Variants in ADGRA1 observed in about 807,000 individuals in gnomAD.
ADGRA1 encodes adhesion G protein-coupled receptor A1.
ADGRA1 carries 12 observed loss-of-function variants against 21.3 expected under a neutral mutation model. The ratio of observed to expected loss-of-function variants is 0.56; its 90% CI spans 0.36 to 0.91. ADGRA1 has a LOEUF of 0.91. ADGRA1 is among the 40% of genes least tolerant of loss of function. ADGRA1 has a pLI of 0.01. For synonymous variants in ADGRA1, 385 were observed against 368.8 expected (o/e 1.04, Z -0.50); for missense variants, 790 against 805.6 (o/e 0.98, Z 0.23).
At chr10:133,117,323 C>A (rs73399136) in intron 5 of ADGRA1, among the ~76,000 whole-genome samples, 1,881 of 152,258 alleles carry the variant, frequency 0.012, 45 homozygotes, top group African/African-American at 0.043. Context: ...AGAGCAGGCA[C>A]GCGCCGAAAG....
At chr10:133,108,790 C>G (rs969826047) in intron 5 of ADGRA1, among the ~76,000 whole-genome samples, 1 of 152,014 alleles carries the variant, frequency 6.6e-6, no homozygotes, top group Non-Finnish European at 1.5e-5. Flanking sequence ...GTGGCCCCAG[C>G]TCCACCCCTC....
intron 2 of ADGRA1, chr10:133,092,996 C>T (rs554755719): frequency 1.2e-5 from 19 of 1,589,062 alleles, no homozygotes; most frequent in African/African-American, 2.7e-5. Context: ...CCTCACCGTG[C>T]AGGAAAGAAG....
chr10:133,111,931 G>A (rs145535042), intron 5 of ADGRA1, among the ~76,000 whole-genome samples: 623 of 10,130 alleles, frequency 0.062, 101 homozygotes, highest in East Asian at 0.23. Flanking sequence ...CCTGCCCGCC[G>A]TGAGCACCTC....
intron 5 of ADGRA1, among the ~76,000 whole-genome samples, chr10:133,115,128 G>A (rs1380594084): frequency 6.6e-6 from 1 of 152,172 alleles, no homozygotes; most frequent in Non-Finnish European, 1.5e-5. Flanking sequence ...CCAGTGGTCA[G>A]ATTTCAGCGG....
At chr10:133,099,341 G>A (rs775427475) in intron 4 of ADGRA1, among the ~76,000 whole-genome samples, 31 of 152,140 alleles carry the variant, frequency 2.0e-4, no homozygotes, top group Non-Finnish European at 3.5e-4. Flanking sequence ...CACACACTCC[G>A]GTCCAGGGAG....
intron 5 of ADGRA1, among the ~76,000 whole-genome samples, chr10:133,123,684 G>A (rs1016613360): frequency 1.4e-4 from 21 of 150,156 alleles, no homozygotes; most frequent in South Asian, 6.3e-4. Flanking sequence ...CCGCTGGGCC[G>A]ACGTCGAGTT....
At position 133,128,313 on chromosome 10, in the gene ADGRA1, G is replaced by A. The variant is rs1362764086; in HGVS notation, c.501-16G>A. 6.6e-6 allele frequency: 10 copies of A among 1,517,112 alleles called. No individual in the cohort carries two copies. The South Asian group carries it at 6.6e-5, about 10-fold the overall frequency. The allele number at this position is 1,517,112 out of a possible 1,614,324, so 94.0% of individuals were successfully genotyped here. ...CCGTGCTGGCCCCGCTGACACTGAC[G>A]TGCGTCTCCCCACAGCTGCTGGATG... On this transcript the variant is annotated splice_polypyrimidine_tract_variant and intron_variant, in intron 6 of 6. Coordinates refer to ENST00000392607, the MANE Select transcript of ADGRA1 (RefSeq NM_001083909.3).
chr10:133,088,610 C>T lies in ADGRA1; in HGVS notation c.-202-98C>T, dbSNP rs544217069. 334 of 751,850 alleles carry T rather than the reference C, an allele frequency of 4.4e-4. 2 individuals carry two copies. The African/African-American group carries it at 5.5e-3, about 12-fold the overall frequency. The allele number at this position is 751,850 out of a possible 1,614,324, so 46.6% of individuals were successfully genotyped here. A position where few individuals can be genotyped will look rare whatever the true frequency, so the allele number is the denominator to read the frequency against. ...CAGGCCGCCCGCGGAGGGGAGGGAG[C>T]GACAGGGGCCGCGGCTGCTCCCTGG... is the stretch of plus-strand genomic sequence containing the variant. On this transcript the variant is annotated intron_variant, in intron 1 of 6. Transcript: ENST00000392607.
intron 2 of ADGRA1, among the ~76,000 whole-genome samples, chr10:133,094,997 C>T (rs1184962248): frequency 3.3e-5 from 5 of 152,144 alleles, no homozygotes; most frequent in Non-Finnish European, 7.3e-5. Context: ...AACCAGCAAA[C>T]GTGGGACAAC....
chr10:133,103,004 A>T lies in ADGRA1; in HGVS notation c.401+162A>T, dbSNP rs561586775. Among the ~76,000 whole-genome samples the T allele has an allele frequency of 2.7e-5, 4 of 150,048 alleles. No homozygotes were observed. The East Asian group carries it at 8.0e-4, about 30-fold the overall frequency. On this transcript the variant is annotated intron_variant, in intron 5 of 6. Transcript: ENST00000392607. Reference sequence around the variant, plus strand: ...TCCCAGGGAGGGTGGAGAGCGGGCGACGGATCTGAGGGTAGGGTGGTGTGC... The same window carrying T: ...TCCCAGGGAGGGTGGAGAGCGGGCGTCGGATCTGAGGGTAGGGTGGTGTGC...
chr10:133,088,755 G>GC lies in ADGRA1; in HGVS notation c.-155_-154insC, dbSNP rs1345119367. 4 of 1,231,238 alleles carry GC rather than the reference G, an allele frequency of 3.2e-6. No individual in the cohort carries two copies. Among genetic ancestry groups the GC allele is most frequent in the Non-Finnish European group, 4.0e-6 (4 of 987,688 alleles). The allele number at this position is 1,231,238 out of a possible 1,614,324, so 76.3% of individuals were successfully genotyped here. ...GCCCGCCCCGCCGCGGTCACCCTGA[G>GC]GCCAGGGGCCCGGGAGCGCGACCTC... On this transcript the variant is annotated 5_prime_UTR_variant, in exon 2 of 7. The change abolishes the stop of an existing upstream ORF in the 5' untranslated region. Coordinates refer to ENST00000392607, the MANE Select transcript of ADGRA1 (RefSeq NM_001083909.3).
chr10:133,116,899 G>A (rs1202173444), intron 5 of ADGRA1, among the ~76,000 whole-genome samples: 1 of 152,188 alleles, frequency 6.6e-6, no homozygotes, highest in Non-Finnish European at 1.5e-5. Context: ...TGTCAGCACA[G>A]ATGCAGGTCT....
chr10:133,125,086 G>A (rs2748432), intron 5 of ADGRA1, among the ~76,000 whole-genome samples: 31,534 of 152,240 alleles, frequency 0.21, 3,822 homozygotes, highest in Admixed American at 0.29. Context: ...CCGTGTAGCC[G>A]CTGTAGCTCT....
At chr10:133,124,528 C>T (rs1004934461) in intron 5 of ADGRA1, among the ~76,000 whole-genome samples, 17 of 152,374 alleles carry the variant, frequency 1.1e-4, no homozygotes, top group African/African-American at 4.1e-4. Context: ...GCTGCCCCAA[C>T]GCTGGGCACC....
At chr10:133,099,418 C>T (rs1851752126) in intron 4 of ADGRA1, among the ~76,000 whole-genome samples, 1 of 152,190 alleles carries the variant, frequency 6.6e-6, no homozygotes, top group South Asian at 2.1e-4. Context: ...GACCCCCCAA[C>T]CCCCGGAAGC....
Position 133,125,590 on chromosome 10 carries a change from AT to A in ADGRA1, c.402-1632del, listed in dbSNP as rs540821955. Among the ~76,000 whole-genome samples the A allele has an allele frequency of 4.0e-4, 59 of 146,460 alleles. 1 individual carries two copies. The South Asian group carries it at 4.4e-3, about 11-fold the overall frequency. ...AGGCGCCCGCCACCACGCCCGGCTA[AT>A]TTTTTTTTTTGTATTTTTTAGTACA... On this transcript the variant is annotated intron_variant, in intron 5 of 6. Transcript: ENST00000392607.
At chr10:133,117,465 C>T (rs866054289) in intron 5 of ADGRA1, among the ~76,000 whole-genome samples, 1 of 152,214 alleles carries the variant, frequency 6.6e-6, no homozygotes, top group Non-Finnish European at 1.5e-5. Context: ...CCTGGGAGGT[C>T]CGGTGCACTG....
intron 5 of ADGRA1, among the ~76,000 whole-genome samples, chr10:133,118,744 G>C (rs1852200820): frequency 6.6e-6 from 1 of 152,180 alleles, no homozygotes; most frequent in African/African-American, 2.4e-5. Context: ...GATGAGATTT[G>C]GGTGAGGACA....
intron 2 of ADGRA1, among the ~76,000 whole-genome samples, chr10:133,096,399 T>C (rs980797567): frequency 2.4e-4 from 36 of 152,182 alleles, no homozygotes; most frequent in African/African-American, 8.4e-4. Flanking sequence ...TGAACCCTTT[T>C]CTTGGGCCGA....
Sources: allele counts gnomAD v4.1 joint callset (sites outside exome capture counted in the v4.1 genomes callset), GRCh38; gene constraint gnomAD v4.1.1; transcripts MANE v1.5; gene names NCBI Gene and HGNC (gene_info 2026-07-23, HGNC 2026-07-21).